The following ANAPC4 variants were observed in gnomAD, a reference collection of about 807,000 sequenced individuals.
ANAPC4 encodes anaphase promoting complex subunit 4.
A neutral mutation model predicts 119.8 loss-of-function variants in ANAPC4; 63 were observed. The ratio of observed to expected loss-of-function variants is 0.53; its 90% CI spans 0.43 to 0.65. The LOEUF (loss-of-function observed/expected upper bound fraction) is 0.65. Ranked by LOEUF, ANAPC4 falls within the 30% of genes least tolerant of loss-of-function variation. The pLI, the probability that ANAPC4 is intolerant of heterozygous loss-of-function variation, is 0.00. For synonymous variants in ANAPC4, 283 were observed against 318.6 expected, an observed-to-expected ratio of 0.89 and a Z score of 1.19; for missense variants, 716 against 945.1, an observed-to-expected ratio of 0.76 and a Z score of 3.18.
chr4:25,392,771 T>A (rs1475304642), intron 10 of ANAPC4, among the ~76,000 whole-genome samples: 1 of 152,218 alleles, frequency 6.6e-6, no homozygotes, highest in African/African-American at 2.4e-5. Context: ...AGGTTGGTGA[T>A]TTAGGCTCAG....
At chr4:25,377,599 CG>C (rs1721482691) in intron 2 of ANAPC4, 43 bp downstream of exon 2, 4 of 1,538,422 alleles carry the variant, frequency 2.6e-6, no homozygotes, top group Non-Finnish European at 2.6e-6. Context: ...GGTCTGCTCC[CG>C]GGGGGCCCAA....
chr4:25,391,087 C>A, intron 9 of ANAPC4, 72 bp downstream of exon 9: 13 of 1,118,590 alleles, frequency 1.2e-5, no homozygotes, highest in East Asian at 2.4e-5. Flanking sequence ...TTTTTATCCA[C>A]ATCTCACTGT....
chr4:25,415,047 T>C (rs1001686872), intron 25 of ANAPC4: 4 of 179,340 alleles, frequency 2.2e-5, no homozygotes, highest in Non-Finnish European at 3.4e-5. Context: ...TAAAAACTTC[T>C]AAAAGTGGCT....
rs1723203917 is a variant in ANAPC4, at chr4:25,405,575, A to G, written c.1273A>G (p.Met425Val). ...GTTTTTTAACTTTGTATTTCCAGCA[A>G]TGTTGAGAATGACAGAAGACCATGT... ...KAFFRWLYVAMLRMTEDHVLP... is the reference protein window; with the variant it reads ...KAFFRWLYVAVLRMTEDHVLP... The change falls in exon 18 of 29, where the codon ATG becomes GTG. Residue 425 changes from methionine to valine, a missense_variant and splice_region_variant. Physicochemically the swap from Met to Val is conservative, Grantham distance 21. Transcript: ENST00000315368. The surrounding 1 kb of genome is among the most constrained non-coding windows in gnomAD (Gnocchi z 4.6). 8.7e-6 allele frequency: 14 copies of G among 1,613,354 alleles called. No individual in the cohort carries two copies. Among genetic ancestry groups the G allele is most frequent in the Non-Finnish European group, 1.2e-5 (14 of 1,179,474 alleles).
At chr4:25,396,609 G>A in intron 14 of ANAPC4, 55 bp from the exon 15 acceptor site, 2 of 1,265,850 alleles carry the variant, frequency 1.6e-6, no homozygotes, top group South Asian at 2.9e-5. Flanking sequence ...ATTCAGGCAA[G>A]TTAGTCACTT....
At chr4:25,377,374 G>C (rs1721459254) in intron 1 of ANAPC4, 30 bp downstream of exon 1, 1 of 1,603,438 alleles carries the variant, frequency 6.2e-7, no homozygotes, top group South Asian at 1.1e-5. Flanking sequence ...TCCTCGTGGA[G>C]AGCCGGGGGC....
At chr4:25,413,267 TA>T (rs563465748) in intron 21 of ANAPC4, 248 of 159,104 alleles carry the variant, frequency 1.6e-3, no homozygotes, top group African/African-American at 4.9e-3. Flanking sequence ...TTTAGAGACT[TA>T]AAAAACAGTA....
chr4:25,417,130 C>CTTTT (rs534007490), intron 27 of ANAPC4: 6 of 144,820 alleles, frequency 4.1e-5, no homozygotes. Context: ...TATTTCTTTT[C>CTTTT]TTTTTTTTTT....
chr4:25,413,929 ACG>A, intron 22 of ANAPC4, 187 bp downstream of exon 22: 1 of 543,380 alleles, frequency 1.8e-6, no homozygotes, highest in East Asian at 3.0e-5. Context: ...TTTCTTACAC[ACG>A]TGTGTGTGTG....
At position 25,391,013 on chromosome 4, in the gene ANAPC4, C is replaced by G. The variant is rs1163429815; in HGVS notation, c.703C>G (p.Gln235Glu). Reference sequence around the variant, plus strand: ...TGGTGCTTCAGAAGTTTCATACTTTCAGGTGAGTATTGGAACTTGATAACG... The same window carrying G: ...TGGTGCTTCAGAAGTTTCATACTTTGAGGTGAGTATTGGAACTTGATAACG... ...TNGASEVSYF[Q>E]LETNLLYSFL... is the part of the protein sequence containing the mutation. Residue 235 changes from glutamine (Q) to glutamate (E), a missense_variant and splice_region_variant, in exon 9 of 29, where the codon CAG (glutamine) becomes GAG (glutamate). This residue lies in a region of ANAPC4 where 202 missense variants were observed against 293.5 expected (regional missense o/e 0.69). Coordinates refer to ENST00000315368, the MANE Select transcript of ANAPC4 (RefSeq NM_013367.3). 2 of 1,603,212 alleles carry G rather than the reference C, an allele frequency of 1.2e-6. No homozygotes were observed. Among genetic ancestry groups the G allele is most frequent in the Admixed American group, 1.7e-5 (1 of 59,968 alleles).
At position 25,377,314 on chromosome 4, in the gene ANAPC4, C is replaced by T. The variant is rs947675449; in HGVS notation, c.-41C>T. The T allele has an allele frequency of 6.7e-5, 95 of 1,416,988 alleles. No homozygotes were observed. The highest frequency in any genetic ancestry group is 6.3e-4 in the East Asian group (26 of 41,376). 87.8% of individuals were successfully genotyped at this position (1,416,988 alleles called of 1,614,324 possible). A position where few individuals can be genotyped will look rare whatever the true frequency, so the allele number is the denominator to read the frequency against. On this transcript the variant is annotated 5_prime_UTR_variant, in exon 1 of 29. Transcript: ENST00000315368. ...GAGGGAGGGGAGAGGCCACTGGGGC[C>T]GTGTTAGTCTGCCGGTGGGGACTCT...
intron 9 of ANAPC4, among the ~76,000 whole-genome samples, chr4:25,391,763 A>C (rs1722358401): frequency 6.6e-6 from 1 of 152,226 alleles, no homozygotes; most frequent in Admixed American, 6.5e-5. Flanking sequence ...AATGTGTGTG[A>C]TGTCTTCCAA....
At chr4:25,399,600 A>C (rs138281024) in intron 16 of ANAPC4, among the ~76,000 whole-genome samples, 1 of 152,238 alleles carries the variant, frequency 6.6e-6, no homozygotes, top group Non-Finnish European at 1.5e-5. Flanking sequence ...AGTGTCCGTC[A>C]TCCACCCCTC....
rs1376408841 is a variant in ANAPC4 at position 25,388,554 on chromosome 4, A to G, written c.423A>G (p.Lys141=). The stretch of plus-strand genomic sequence containing the variant: ...ATGAATCAAATCTTCTCTTACCTAA[A>G]CTACCTACACTGCCAAAAAAGTATG... ...AEDESNLLLP[K]LPTLPKNYSN... is the part of the protein sequence containing the mutation. Residue 141 remains lysine, a synonymous_variant, in exon 5 of 29, where the codon AAA becomes AAG. Transcript: ENST00000315368. The G allele has an allele frequency of 1.2e-6, 2 of 1,605,632 alleles. No homozygotes were observed. Among genetic ancestry groups the G allele is most frequent in the South Asian group, 1.1e-5 (1 of 90,378 alleles).
rs188212244 is a variant in ANAPC4 at position 25,383,411 on chromosome 4, T to C, written c.368+18T>C. ...GAAAGCAGGTAATTAGAAAAACTTA[T>C]GTAGTCATAGGGTATTCATGAGATT... On this transcript the variant is annotated intron_variant, in intron 4 of 28. Transcript: ENST00000315368. 1.4e-5 allele frequency: 23 copies of C among 1,596,758 alleles called. No homozygotes were observed. The highest frequency in any genetic ancestry group is 6.8e-5 in the African/African-American group (5 of 73,936).
intron 21 of ANAPC4, chr4:25,413,245 C>T (rs1017018187): frequency 6.4e-6 from 1 of 155,844 alleles, no homozygotes; most frequent in African/African-American, 2.4e-5. Flanking sequence ...GAGCTAGTTT[C>T]CAGTCTCTTG....
chr4:25,394,054 A>G (rs1351255450), intron 11 of ANAPC4, among the ~76,000 whole-genome samples, 163 bp downstream of exon 11: 1 of 152,200 alleles, frequency 6.6e-6, no homozygotes, highest in East Asian at 1.9e-4. Flanking sequence ...AGATTTGCCA[A>G]AAGGGCTCTT....
intron 4 of ANAPC4, among the ~76,000 whole-genome samples, chr4:25,385,221 C>T (rs150630875): frequency 1.3e-5 from 2 of 152,326 alleles, no homozygotes; most frequent in East Asian, 1.9e-4. Context: ...TGACTCCTCT[C>T]TAGCTATGAA....
In ANAPC4 at chr4:25,417,877, A is replaced by G. The variant is rs115305112; in HGVS notation, c.2199+138A>G. On this transcript the variant is annotated intron_variant, in intron 28 of 28. Transcript: ENST00000315368. ...CTGTGATTTATAGCTTGTATTGATT[A>G]TGATCATGTGGTGGCCTTAGCTATT... is the stretch of plus-strand genomic sequence containing the variant. The G allele has an allele frequency of 1.9e-3, 2,382 of 1,223,800 alleles. 29 individuals are homozygous for G. The African/African-American group carries it at 0.032, about 17-fold the overall frequency. 75.8% of individuals were successfully genotyped at this position (1,223,800 alleles called of 1,614,324 possible).
Sources: gnomAD v4.1 joint callset for allele counts (sites outside exome capture counted in the v4.1 genomes callset) on GRCh38, gnomAD v4.1.1 for gene constraint, gnomAD v4.1.1 regional missense constraint, Gnocchi (gnomAD v3.1) non-coding constraint, MANE v1.5 for transcripts, NCBI Gene and HGNC (gene_info 2026-07-23, HGNC 2026-07-21) for gene names.